The following POLR3B variants were observed in gnomAD, a reference collection of about 807,000 sequenced individuals.
The protein encoded by POLR3B is DNA-directed RNA polymerase III subunit RPC2.
A neutral mutation model predicts 147.4 loss-of-function variants in POLR3B; 96 were observed. That is an observed-to-expected ratio of 0.65 (90% CI 0.55 to 0.77). The LOEUF (loss-of-function observed/expected upper bound fraction) is 0.77. Among genes scored for constraint, POLR3B ranks in the 30% least tolerant of loss-of-function variants. The pLI is 0.00. For synonymous variants in POLR3B, 461 were observed against 485.9 expected, an observed-to-expected ratio of 0.95 and a Z score of 0.67; for missense variants, 1,036 against 1,413.5, an observed-to-expected ratio of 0.73 and a Z score of 4.28.
intron 23 of POLR3B, among the ~76,000 whole-genome samples, chr12:106,483,819 TG>T (rs2038302640): frequency 6.6e-6 from 1 of 152,206 alleles, no homozygotes; most frequent in South Asian, 2.1e-4. Flanking sequence ...TGCCTTGTCT[TG>T]TGGGCCATAC....
Position 106,369,623 on chromosome 12 carries a change from T to A in POLR3B, c.344T>A (p.Val115Glu). The A allele has an allele frequency of 6.2e-7, 1 of 1,613,342 alleles. No individual in the cohort carries two copies. Among genetic ancestry groups the A allele is most frequent in the Non-Finnish European group, 8.5e-7 (1 of 1,179,296 alleles). Residue 115 changes from valine (V) to glutamate (E), a missense_variant, in exon 6 of 28, where the codon GTG becomes GAG. By Grantham distance (121) the Val-to-Glu change is moderately radical. Around this residue, in one of 12 missense-constraint regions of POLR3B, gnomAD observed 150 missense variants for 145.5 expected, o/e 1.03. Transcript: ENST00000228347. Reference protein sequence around the residue: ...RDMTYSAPITVDIEYTRGSQR... With the variant: ...RDMTYSAPITEDIEYTRGSQR... ...ATGACATACTCTGCCCCTATTACAG[T>A]GGATATTGAATATACCCGAGGCAGC... is the stretch of plus-strand genomic sequence containing the variant.
At position 106,454,610 on chromosome 12, in the gene POLR3B, A is replaced by C. The variant is rs1469403409; in HGVS notation, c.2192A>C (p.Glu731Ala). ...AAAACCATTGAATTGATAGAATTTG[A>C]GAAACTGCCAGCTGGACAGAATGCA... is the stretch of plus-strand genomic sequence containing the variant. ...KTKTIELIEF[E>A]KLPAGQNATV... Residue 731 changes from glutamate to alanine, a missense_variant, in exon 20 of 28, where the codon GAG becomes GCG. Transcript: ENST00000228347. 2 of 1,610,746 alleles carry C rather than the reference A, an allele frequency of 1.2e-6. No homozygotes were observed. Among genetic ancestry groups the C allele is most frequent in the African/African-American group, 2.7e-5 (2 of 74,964 alleles).
chr12:106,433,492 A>G (rs2037536016), intron 15 of POLR3B, among the ~76,000 whole-genome samples: 1 of 152,194 alleles, frequency 6.6e-6, no homozygotes, highest in African/African-American at 2.4e-5. Context: ...GATGAGGAAA[A>G]TGAAGCTGAC....
rs1006308316 is a variant in POLR3B, at chr12:106,432,384, A to C, written c.1531A>C (p.Ile511Leu). The part of the protein sequence containing the change: ...HITTDMEDGP[I>L]VKLASNLGVE... ...CACAACTGATATGGAAGATGGACCC[A>C]TTGTTAAATTAGCCAGTAACTTGGG... Residue 511 changes from isoleucine (I) to leucine (L), a missense_variant, in exon 15 of 28, where the codon ATT becomes CTT. Transcript: ENST00000228347. The C allele has an allele frequency of 2.5e-6, 4 of 1,613,548 alleles. No individual in the cohort carries two copies. Among genetic ancestry groups the C allele is most frequent in the Middle Eastern group, 1.6e-4 (1 of 6,080 alleles).
intron 11 of POLR3B, 114 bp downstream of exon 11, chr12:106,406,090 A>C: frequency 9.0e-7 from 1 of 1,114,054 alleles, no homozygotes; most frequent in Non-Finnish European, 1.3e-6. Flanking sequence ...AGAAAATTCT[A>C]AAGAGGACTG....
At chr12:106,373,783 T>C (rs2036641197) in intron 6 of POLR3B, among the ~76,000 whole-genome samples, 1 of 152,154 alleles carries the variant, frequency 6.6e-6, no homozygotes, top group Non-Finnish European at 1.5e-5. Context: ...AATGTCCTTA[T>C]GTTTTGAGTT....
At chr12:106,448,395 CT>C (rs970090191) in intron 19 of POLR3B, among the ~76,000 whole-genome samples, 6 of 135,754 alleles carry the variant, frequency 4.4e-5, no homozygotes, top group African/African-American at 1.6e-4. Context: ...TTGCCACTTA[CT>C]GAGTATCCAA....
At chr12:106,450,541 A>AG (rs1378650282) in intron 19 of POLR3B, among the ~76,000 whole-genome samples, 1 of 152,222 alleles carries the variant, frequency 6.6e-6, no homozygotes, top group African/African-American at 2.4e-5. Context: ...CAAAATAAAA[A>AG]CAAAAACCAA....
At chr12:106,489,057 C>T (rs941793326) in intron 23 of POLR3B, among the ~76,000 whole-genome samples, 1 of 152,138 alleles carries the variant, frequency 6.6e-6, no homozygotes, top group Non-Finnish European at 1.5e-5. Flanking sequence ...TTCTCAGTCT[C>T]TCATGTGAAA....
At chr12:106,375,012 A>G (rs1339714135) in intron 6 of POLR3B, among the ~76,000 whole-genome samples, 2 of 152,166 alleles carry the variant, frequency 1.3e-5, no homozygotes, top group African/African-American at 2.4e-5. Flanking sequence ...GTGAGGGCCT[A>G]TTAGTACATT....
intron 22 of POLR3B, among the ~76,000 whole-genome samples, chr12:106,460,172 G>A (rs752659934): frequency 4.6e-5 from 7 of 152,150 alleles, no homozygotes; most frequent in Non-Finnish European, 1.0e-4. Context: ...GCGATATAGA[G>A]CTGAAATAAG....
chr12:106,382,689 G>A (rs1195464803), intron 9 of POLR3B, among the ~76,000 whole-genome samples: 1 of 152,164 alleles, frequency 6.6e-6, no homozygotes, highest in Non-Finnish European at 1.5e-5. Context: ...AAAATATTCA[G>A]TAAACTATAC....
intron 22 of POLR3B, 131 bp from the exon 23 acceptor site, chr12:106,463,347 T>A (rs2037964847): frequency 1.3e-6 from 1 of 762,880 alleles, no homozygotes; most frequent in Admixed American, 2.6e-5. Context: ...AAAATTGAAG[T>A]CATTTTTCAG....
At chr12:106,455,286 A>C (rs2037850105) in intron 20 of POLR3B, among the ~76,000 whole-genome samples, 1 of 152,152 alleles carries the variant, frequency 6.6e-6, no homozygotes, top group Admixed American at 6.6e-5. Flanking sequence ...CCTGATCTGA[A>C]GTCTGACTTC....
At chr12:106,358,104 T>A in intron 1 of POLR3B, 153 bp downstream of exon 1, 1 of 1,511,332 alleles carries the variant, frequency 6.6e-7, no homozygotes, top group Non-Finnish European at 8.8e-7. Flanking sequence ...TTGCGAGTCT[T>A]TTTTCCAGAG....
rs981700773 is a variant in POLR3B, at chr12:106,438,315, A to G, written c.1955+536A>G. Among the ~76,000 whole-genome samples, 5 of 152,172 alleles carry G rather than the reference A, an allele frequency of 3.3e-5. No individual in the cohort carries two copies. The East Asian group carries it at 5.8e-4, about 18-fold the overall frequency. On this transcript the variant is annotated intron_variant, in intron 18 of 27. Coordinates refer to ENST00000228347, the MANE Select transcript of POLR3B (RefSeq NM_018082.6). ...GAAATATACAATTTTATAGCAGAGCATAACGCATCATTTATCCTAGTGAAG... is the reference window on the plus strand; with the variant it reads ...GAAATATACAATTTTATAGCAGAGCGTAACGCATCATTTATCCTAGTGAAG...
At chr12:106,365,434 G>A (rs899216245) in intron 2 of POLR3B, among the ~76,000 whole-genome samples, 2 of 152,136 alleles carry the variant, frequency 1.3e-5, no homozygotes, top group Non-Finnish European at 2.9e-5. Context: ...TGCCCAGGCT[G>A]GATTTGAACT....
In POLR3B at chr12:106,509,411, G is replaced by A. The variant is rs369798385; in HGVS notation, c.3273-9G>A. 1.9e-5 allele frequency: 30 copies of A among 1,613,514 alleles called. No homozygotes were observed. In the African/African-American group the frequency reaches 3.7e-4, roughly 20 times the overall value. On this transcript the variant is annotated splice_polypyrimidine_tract_variant and intron_variant, in intron 27 of 27. Transcript: ENST00000228347. ...CTGTCTGTCTAACGCTTGCTGACTT[G>A]CGTTTCAGGTGCCATTACTGCAAGT...
At chr12:106,386,814 G>C (rs1332322529) in intron 9 of POLR3B, among the ~76,000 whole-genome samples, 3 of 152,068 alleles carry the variant, frequency 2.0e-5, no homozygotes, top group Admixed American at 6.5e-5. Flanking sequence ...GGCTGAGGCA[G>C]GAGAATGGCG....
Sources: allele counts gnomAD v4.1 joint callset (sites outside exome capture counted in the v4.1 genomes callset), GRCh38; gene constraint gnomAD v4.1.1; regional missense constraint gnomAD v4.1.1; transcripts MANE v1.5; gene names NCBI Gene and HGNC (gene_info 2026-07-23, HGNC 2026-07-21).